The following PPIP5K2 variants were observed in gnomAD, a reference collection of about 807,000 sequenced individuals.
The protein encoded by PPIP5K2 is inositol hexakisphosphate and diphosphoinositol-pentakisphosphate kinase 2.
Under a neutral mutation model 154.6 loss-of-function variants are expected in PPIP5K2, and 105 were observed. The observed-to-expected ratio is 0.68, with a 90% confidence interval of 0.58 to 0.80. The LOEUF is 0.80. Among genes scored for constraint, PPIP5K2 ranks in the 30% least tolerant of loss-of-function variants. The pLI is 0.00. For missense variants in PPIP5K2, 992 were observed against 1,504.6 expected (o/e 0.66, Z 5.64); for synonymous variants, 480 against 490.3 (o/e 0.98, Z 0.28).
chr5:103,159,188 C>A lies in PPIP5K2; in HGVS notation c.1780C>A (p.Gln594Lys). 6.2e-7 allele frequency: 1 copy of A among 1,608,240 alleles called. No individual in the cohort carries two copies. The highest frequency in any genetic ancestry group is 1.1e-5 in the South Asian group (1 of 90,394). Residue 594 changes from glutamine to lysine, a missense_variant, in exon 17 of 31, where the codon CAA (glutamine) becomes AAA (lysine). By Grantham distance (53) the Gln-to-Lys change is moderately conservative. Transcript: ENST00000358359. ...LEGELTPILV[Q>K]MVKSANMNGL... ...AGGAGAGCTTACACCCATTCTTGTTCAAATGGTGAAAAGTGCAAATATGAA... is the reference window on the plus strand; with the variant it reads ...AGGAGAGCTTACACCCATTCTTGTTAAAATGGTGAAAAGTGCAAATATGAA...
At chr5:103,157,460 A>G (rs1795582929) in intron 14 of PPIP5K2, among the ~76,000 whole-genome samples, 1 of 152,122 alleles carries the variant, frequency 6.6e-6, no homozygotes, top group Non-Finnish European at 1.5e-5. Flanking sequence ...AAAATGATGC[A>G]AATCACCGAT....
rs782010285 is a variant in PPIP5K2, at chr5:103,149,330, G to A, written c.906+17G>A. The stretch of plus-strand genomic sequence containing the variant: ...GCTTTTAAGGTAAGATGTTATACAG[G>A]CCTATAGATCCTTATAAAGGTAAAT... On this transcript the variant is annotated intron_variant, in intron 8 of 30. Coordinates refer to ENST00000358359, the MANE Select transcript of PPIP5K2 (RefSeq NM_001276277.3). 2.5e-6 allele frequency: 4 copies of A among 1,599,474 alleles called. No individual in the cohort carries two copies. The highest frequency in any genetic ancestry group is 1.1e-5 in the South Asian group (1 of 88,726).
intron 20 of PPIP5K2, among the ~76,000 whole-genome samples, chr5:103,173,604 A>G (rs928240245): frequency 1.3e-4 from 20 of 151,896 alleles, no homozygotes; most frequent in Admixed American, 2.6e-4. Flanking sequence ...AGATAAAATA[A>G]CCTATTTACA....
intron 24 of PPIP5K2, among the ~76,000 whole-genome samples, chr5:103,182,368 C>T (rs1799680428): frequency 6.6e-6 from 1 of 152,192 alleles, no homozygotes; most frequent in East Asian, 1.9e-4. Context: ...CTCATAAATA[C>T]TTAGTTGATT....
At chr5:103,138,527 C>T (rs1791974332) in intron 5 of PPIP5K2, 58 bp downstream of exon 5, 5 of 1,090,228 alleles carry the variant, frequency 4.6e-6, no homozygotes, top group Non-Finnish European at 5.5e-6. Flanking sequence ...TTTTGGGCCA[C>T]ATTCTTACAA....
At chr5:103,184,328 GT>G (rs1800021180) in intron 25 of PPIP5K2, 1 of 179,584 alleles carries the variant, frequency 5.6e-6, no homozygotes, top group East Asian at 1.6e-4. Context: ...GTTTGTAGTT[GT>G]TTTTTCCCCC....
Position 103,177,691 on chromosome 5 carries a change from C to T in PPIP5K2, c.2554C>T (p.Arg852Ter), listed in dbSNP as rs766908490. Residue 852 changes from arginine to a stop codon, truncating the protein, a stop_gained, in exon 22 of 31, where the codon CGA becomes TGA. Coordinates refer to ENST00000358359, the MANE Select transcript of PPIP5K2 (RefSeq NM_001276277.3). LOFTEE classifies it high-confidence loss of function. ...CNESKDEQWK[R>*]AMDYLNVVNE... ...GGAATCAAAGGATGAACAGTGGAAA[C>T]GAGCTATGGATTATTTAAACGTTGT... 21 of 1,609,162 alleles carry T rather than the reference C, an allele frequency of 1.3e-5. No homozygotes were observed. Among genetic ancestry groups the T allele is most frequent in the East Asian group, 2.2e-5 (1 of 44,760 alleles).
chr5:103,179,585 G>A (rs1799201581), intron 23 of PPIP5K2, among the ~76,000 whole-genome samples: 1 of 152,122 alleles, frequency 6.6e-6, no homozygotes, highest in Non-Finnish European at 1.5e-5. Flanking sequence ...TATTAGAAAT[G>A]TTTGGAATAG....
Position 103,146,724 on chromosome 5 carries a change from A to C in PPIP5K2, c.642+43A>C, listed in dbSNP as rs144183370. On this transcript the variant is annotated intron_variant, in intron 6 of 30. Coordinates refer to ENST00000358359, the MANE Select transcript of PPIP5K2 (RefSeq NM_001276277.3). ...TTTGTATGAATACTCTTCTTTGTACATTGTCGTGTATTATTAAAAGCAATC... is the reference window on the plus strand; with the variant it reads ...TTTGTATGAATACTCTTCTTTGTACCTTGTCGTGTATTATTAAAAGCAATC... 9 of 1,469,550 alleles carry C rather than the reference A, an allele frequency of 6.1e-6. No homozygotes were observed. In the African/African-American group the frequency reaches 9.9e-5, roughly 16 times the overall value. The allele number at this position is 1,469,550 out of a possible 1,614,324, so 91.0% of individuals were successfully genotyped here.
chr5:103,191,828 T>G (rs1054963225), intron 29 of PPIP5K2, among the ~76,000 whole-genome samples: 3 of 151,950 alleles, frequency 2.0e-5, no homozygotes, highest in Non-Finnish European at 4.4e-5. Context: ...TGGGAGAGAG[T>G]GCTTTGCTTA....
rs562446439 is a variant in PPIP5K2 at position 103,199,091 on chromosome 5, CAT to C, written c.3620-2429_3620-2428del. 6.7e-3 allele frequency among the ~76,000 whole-genome samples: 1,027 copies of C among 152,244 alleles called. 7 individuals are homozygous for C. Among genetic ancestry groups the C allele is most frequent in the Non-Finnish European group, 0.013 (856 of 67,998 alleles). ...CCTTACCCTCTTCCCATTCTTTACA[CAT>C]AGTTATCCTTATGTGTTACTTCCAC... On this transcript the variant is annotated intron_variant, in intron 30 of 30. Transcript: ENST00000358359.
At chr5:103,190,802 C>T in intron 28 of PPIP5K2, 40 bp from the exon 29 acceptor site, 1 of 1,521,416 alleles carries the variant, frequency 6.6e-7, no homozygotes, top group Non-Finnish European at 8.9e-7. Context: ...TTTAAAATAT[C>T]CATCTTTTAT....
At chr5:103,122,996 GGT>G (rs1308580980) in intron 1 of PPIP5K2, among the ~76,000 whole-genome samples, 1 of 152,138 alleles carries the variant, frequency 6.6e-6, no homozygotes, top group East Asian at 1.9e-4. Context: ...GACTAGAAAA[GGT>G]GTAAAGAGGT....
chr5:103,155,831 C>A, intron 13 of PPIP5K2, 78 bp from the exon 14 acceptor site: 1 of 922,884 alleles, frequency 1.1e-6, no homozygotes, highest in Non-Finnish European at 1.7e-6. Flanking sequence ...CAGGCGGTTA[C>A]AAATAAAAGG....
chr5:103,168,327 A>G (rs1554218630), intron 19 of PPIP5K2, 32 bp downstream of exon 19: 1 of 1,487,620 alleles, frequency 6.7e-7, no homozygotes, highest in African/African-American at 1.4e-5. Flanking sequence ...ATTTCTTATA[A>G]TATTGAAAAA....
intron 28 of PPIP5K2, among the ~76,000 whole-genome samples, chr5:103,188,061 G>A (rs569591535): frequency 6.6e-6 from 1 of 152,238 alleles, no homozygotes; most frequent in African/African-American, 2.4e-5. Context: ...AGAAGATTAA[G>A]TTAAGATCTA....
At position 103,209,717 on chromosome 5, in the gene PPIP5K2, A is replaced by C. The variant is rs1443014031; in HGVS notation, c.*8083A>C. 6.6e-6 allele frequency: 1 copy of C among 152,118 alleles called. No individual in the cohort carries two copies. Among genetic ancestry groups the C allele is most frequent in the Non-Finnish European group, 1.5e-5 (1 of 68,014 alleles). The allele number at this position is 152,118 out of a possible 1,614,324, so 9.4% of individuals were successfully genotyped here. A position where few individuals can be genotyped will look rare whatever the true frequency, so the allele number is the denominator to read the frequency against. On this transcript the variant is annotated 3_prime_UTR_variant, in exon 31 of 31. Coordinates refer to ENST00000358359, the MANE Select transcript of PPIP5K2 (RefSeq NM_001276277.3). ...ATTTGTCTTAAGTTAGTCAATGCTG[A>C]ATAGAAAGCTTGATGATAAAGGTGG...
rs190253876 is a variant in PPIP5K2, at chr5:103,130,968, T to C, written c.114+1265T>C. Among the ~76,000 whole-genome samples the C allele has an allele frequency of 1.5e-3, 232 of 152,276 alleles. 6 individuals carry two copies. Among genetic ancestry groups the C allele is most frequent in the Non-Finnish European group, 3.2e-4 (22 of 68,010 alleles). On this transcript the variant is annotated intron_variant, in intron 2 of 30. Coordinates refer to ENST00000358359, the MANE Select transcript of PPIP5K2 (RefSeq NM_001276277.3). ...TAACATCAAAATTTTTATTTCCACA[T>C]ATTTATTGTCATACCATGCGTCTTT...
chr5:103,176,715 A>G (rs578066035), intron 21 of PPIP5K2: 18 of 507,220 alleles, frequency 3.5e-5, no homozygotes, highest in Non-Finnish European at 5.2e-5. Context: ...TGATGTACGT[A>G]TAATTTAAGT....
Sources: gnomAD v4.1 joint callset for allele counts (sites outside exome capture counted in the v4.1 genomes callset) on GRCh38, gnomAD v4.1.1 for gene constraint, MANE v1.5 for transcripts, NCBI Gene and HGNC (gene_info 2026-07-23, HGNC 2026-07-21) for gene names.